The following PCDH15 variants were observed in gnomAD, a reference collection of about 807,000 sequenced individuals.
PCDH15 encodes protocadherin-15.
In PCDH15, 129 loss-of-function variants were observed where a neutral mutation model predicts 178.5. That is an observed-to-expected ratio of 0.72 (90% CI 0.63 to 0.84). The LOEUF is 0.84. Ranked by LOEUF, PCDH15 falls within the 40% of genes least tolerant of loss-of-function variation. The probability of loss-of-function intolerance (pLI) is 0.00; values close to 1 mark genes in which losing one functional copy is unlikely to be tolerated. For missense variants in PCDH15, 2,230 were observed against 2,099.9 expected (o/e 1.06, Z -1.21); for synonymous variants, 800 against 732.0 (o/e 1.09, Z -1.50).
At chr10:55,112,211 G>T (rs1191211271) in intron 2 of PCDH15, among the ~76,000 whole-genome samples, 2 of 152,124 alleles carry the variant, frequency 1.3e-5, no homozygotes, top group Non-Finnish European at 2.9e-5. Context: ...TGTTAGGAGG[G>T]TGGGGCTTTT....
chr10:54,152,261 A>G (rs2044612753), intron 14 of PCDH15, among the ~76,000 whole-genome samples: 1 of 152,186 alleles, frequency 6.6e-6, no homozygotes, highest in African/African-American at 2.4e-5. Flanking sequence ...TAAAAAACTG[A>G]TATACTTGCA....
At chr10:54,728,421 A>G (rs1020046325) in intron 1 of PCDH15, among the ~76,000 whole-genome samples, 30 of 151,402 alleles carry the variant, frequency 2.0e-4, no homozygotes, top group African/African-American at 7.3e-4. Context: ...CAAAGAAGAC[A>G]TCATTTTGAA....
chr10:54,900,031 A>G (rs1799999478), intron 2 of PCDH15, among the ~76,000 whole-genome samples: 1 of 152,162 alleles, frequency 6.6e-6, no homozygotes, highest in South Asian at 2.1e-4. Context: ...GTAAGAAAAA[A>G]AATTAAAACA....
chr10:55,308,768 G>T (rs1564992814), intron 1 of PCDH15, among the ~76,000 whole-genome samples: 1 of 152,118 alleles, frequency 6.6e-6, no homozygotes, highest in Non-Finnish European at 1.5e-5. Context: ...TCCTTAAACA[G>T]CAATCCTTCA....
chr10:54,558,063 T>C (rs7073434), intron 2 of PCDH15, among the ~76,000 whole-genome samples: 38,182 of 151,912 alleles, frequency 0.25, 5,095 homozygotes, highest in Admixed American at 0.34. Context: ...AAACCTAATG[T>C]ATATGATAGT....
chr10:54,885,103 C>T (rs183451294), intron 3 of PCDH15, among the ~76,000 whole-genome samples: 9 of 151,684 alleles, frequency 5.9e-5, no homozygotes, highest in African/African-American at 1.2e-4. Flanking sequence ...TCCCAGCAAC[C>T]GATACAATAA....
At chr10:54,226,558 C>G (rs1591292197) in intron 9 of PCDH15, among the ~76,000 whole-genome samples, 1 of 152,110 alleles carries the variant, frequency 6.6e-6, no homozygotes, top group African/African-American at 2.4e-5. Flanking sequence ...TGAGACACAG[C>G]CAAACCATAT....
chr10:54,071,624 C>T (rs1211576591), intron 17 of PCDH15, among the ~76,000 whole-genome samples: 1 of 152,024 alleles, frequency 6.6e-6, no homozygotes, highest in Non-Finnish European at 1.5e-5. Context: ...GATTGAAATT[C>T]AATGACATTC....
chr10:55,322,511 T>C (rs895352221), upstream of PCDH15, among the ~76,000 whole-genome samples: 2 of 152,158 alleles, frequency 1.3e-5, no homozygotes, highest in African/African-American at 4.8e-5. Context: ...TGTTTAGAAC[T>C]TCCTGGAGAC....
chr10:54,044,155 T>C (rs1565107567), intron 18 of PCDH15, among the ~76,000 whole-genome samples: 1 of 152,080 alleles, frequency 6.6e-6, no homozygotes, highest in Non-Finnish European at 1.5e-5. Context: ...AAGTACATCT[T>C]ACCAAGAGTT....
intron 3 of PCDH15, among the ~76,000 whole-genome samples, chr10:54,461,306 C>T (rs757052462): frequency 1.1e-4 from 17 of 152,046 alleles, no homozygotes; most frequent in Admixed American, 1.3e-4. Flanking sequence ...TGCACAATAG[C>T]CTATCTTTCA....
intron 3 of PCDH15, among the ~76,000 whole-genome samples, chr10:54,409,514 T>TA (rs966526785): frequency 2.0e-5 from 3 of 151,988 alleles, no homozygotes; most frequent in South Asian, 2.1e-4. Context: ...CATATGATAT[T>TA]AAAAAAAAGC....
chr10:54,686,407 G>C (rs1769067020), intron 1 of PCDH15, among the ~76,000 whole-genome samples: 1 of 152,066 alleles, frequency 6.6e-6, no homozygotes, highest in African/African-American at 2.4e-5. Flanking sequence ...GAGTTATTGA[G>C]ATTTTTTAGC....
chr10:53,952,830 G>C (rs376482656), intron 23 of PCDH15, among the ~76,000 whole-genome samples: 1 of 152,244 alleles, frequency 6.6e-6, no homozygotes, highest in Non-Finnish European at 1.5e-5. Flanking sequence ...GCAAGGGGCT[G>C]GTATGTCAGC....
At chr10:54,407,292 T>C (rs1259264880) in intron 3 of PCDH15, among the ~76,000 whole-genome samples, 1 of 152,110 alleles carries the variant, frequency 6.6e-6, no homozygotes, top group Non-Finnish European at 1.5e-5. Context: ...GGCAGTTACA[T>C]GTGTGTATAT....
chr10:54,548,865 T>C (rs2086194075), intron 2 of PCDH15, among the ~76,000 whole-genome samples: 1 of 151,256 alleles, frequency 6.6e-6, no homozygotes, highest in Non-Finnish European at 1.5e-5. Flanking sequence ...CTGGGGTTTA[T>C]TGTGTAGGGA....
At chr10:54,185,043 C>A (rs2048364415) in intron 12 of PCDH15, 91 bp downstream of exon 12, 2 of 1,463,572 alleles carry the variant, frequency 1.4e-6, no homozygotes, top group East Asian at 4.7e-5. Flanking sequence ...TTGATTTTTT[C>A]AGTTTTAACC....
intron 2 of PCDH15, among the ~76,000 whole-genome samples, chr10:55,064,788 C>T (rs781685197): frequency 3.1e-4 from 47 of 151,978 alleles, no homozygotes; most frequent in Admixed American, 1.8e-3. Context: ...CCAATTTATA[C>T]TTGTGAAGCA....
At chr10:53,822,201 C>T (rs777256021) in intron 32 of PCDH15, 6 of 1,613,906 alleles carry the variant, frequency 3.7e-6, no homozygotes, top group Non-Finnish European at 5.1e-6. Flanking sequence ...ACCTGTTATA[C>T]AGACACACTC....
Sources: allele counts gnomAD v4.1 joint callset (sites outside exome capture counted in the v4.1 genomes callset), GRCh38; gene constraint gnomAD v4.1.1; transcripts MANE v1.5; gene names NCBI Gene and HGNC (gene_info 2026-07-23, HGNC 2026-07-21).